Variants in JPH3 observed in about 807,000 individuals in gnomAD.
The protein encoded by JPH3 is junctophilin 3, also known as junctophilin-3.
A neutral mutation model predicts 59.6 loss-of-function variants in JPH3; 11 were observed. The observed-to-expected ratio is 0.18, with a 90% confidence interval of 0.12 to 0.31. The LOEUF is 0.31. Ranked by LOEUF, JPH3 falls within the 10% of genes least tolerant of loss-of-function variation. The pLI is 1.00. For missense variants in JPH3, 1,202 were observed against 1,105.7 expected, an observed-to-expected ratio of 1.09 and a Z score of -1.24; for synonymous variants, 673 against 483.6, an observed-to-expected ratio of 1.39 and a Z score of -5.14.
chr16:87,673,542 G>T (rs1486197561), intron 2 of JPH3, among the ~76,000 whole-genome samples: 2 of 152,188 alleles, frequency 1.3e-5, no homozygotes, highest in Non-Finnish European at 2.9e-5. Context: ...ATACAAGGTT[G>T]TTATTAGACT....
In JPH3 at chr16:87,665,487, G is replaced by A. The variant is rs577202279; in HGVS notation, c.1161-18655G>A. 2.6e-3 allele frequency among the ~76,000 whole-genome samples: 391 copies of A among 152,356 alleles called. 1 individual carries two copies. Among genetic ancestry groups the A allele is most frequent in the Non-Finnish European group, 4.6e-3 (314 of 68,032 alleles). ...GGAGAATCGTGATTCTGGGACCCGA[G>A]CTCTGAGGGAACAACCTCCTCTGAG... On this transcript the variant is annotated intron_variant, in intron 2 of 4. Coordinates refer to ENST00000284262, the MANE Select transcript of JPH3 (RefSeq NM_020655.4).
At position 87,690,667 on chromosome 16, in the gene JPH3, G is replaced by C. The variant is rs2033545864; in HGVS notation, c.2166+141G>C. ...TGGAGTAGGGTGGGGGTACAGCCGG[G>C]AGTGGTGGCCCTCAGGTCGCTGGGA... is the stretch of plus-strand genomic sequence containing the variant. On this transcript the variant is annotated intron_variant, in intron 4 of 4. Coordinates refer to ENST00000284262, the MANE Select transcript of JPH3 (RefSeq NM_020655.4). 4 of 926,352 alleles carry C rather than the reference G, an allele frequency of 4.3e-6. No homozygotes were observed. The South Asian group carries it at 1.1e-4, about 25-fold the overall frequency. 57.4% of individuals were successfully genotyped at this position (926,352 alleles called of 1,614,324 possible).
chr16:87,604,243 C>G, intron 1 of JPH3: 1 of 1,450,218 alleles, frequency 6.9e-7, no homozygotes, highest in Non-Finnish European at 9.1e-7. Context: ...TTCTAAGATG[C>G]CACCGCATTC....
chr16:87,668,792 C>T (rs1025293801), intron 2 of JPH3, among the ~76,000 whole-genome samples: 3 of 152,162 alleles, frequency 2.0e-5, no homozygotes, highest in Non-Finnish European at 2.9e-5. Flanking sequence ...CCAGACACTG[C>T]CTCCTCCACT....
chr16:87,658,120 G>C (rs546198609), intron 2 of JPH3, among the ~76,000 whole-genome samples: 1 of 152,308 alleles, frequency 6.6e-6, no homozygotes, highest in East Asian at 1.9e-4. Context: ...GACACCACCT[G>C]TGTGTTAATG....
chr16:87,622,984 G>A (rs924942724), intron 1 of JPH3, among the ~76,000 whole-genome samples: 2 of 152,144 alleles, frequency 1.3e-5, no homozygotes, highest in African/African-American at 4.8e-5. Context: ...CCCACAGGGG[G>A]GTAAGTTCAG....
chr16:87,667,808 GTTTGT>G lies in JPH3; in HGVS notation c.1161-16310_1161-16306del, dbSNP rs760804774. On this transcript the variant is annotated intron_variant, in intron 2 of 4. Transcript: ENST00000284262. ...CACATACTCTTCTCTGTCTGTTTTT[GTTTGT>G]TTTGTTTTGTTTTGTTTTGTTTTTG... Among the ~76,000 whole-genome samples the G allele has an allele frequency of 4.7e-3, 722 of 152,198 alleles. 2 individuals carry two copies. Among genetic ancestry groups the G allele is most frequent in the Non-Finnish European group, 8.0e-3 (547 of 68,004 alleles).
chr16:87,689,039 C>T (rs1380782696), intron 3 of JPH3, among the ~76,000 whole-genome samples: 2 of 152,174 alleles, frequency 1.3e-5, no homozygotes, highest in African/African-American at 2.4e-5. Flanking sequence ...CAGAGCTGGC[C>T]CCTGGGTCCT....
chr16:87,696,609 G>C lies in JPH3; in HGVS notation c.2196G>C (p.Val732=). ...CAGCGCCTATCCTGGTGGTCATGGT[G>C]ATCTTGCTCAACATCGGAGTCGCCA... ...TGSAPILVVM[V]ILLNIGVAIL... Residue 732 remains valine (V), a synonymous_variant, in exon 5 of 5, where the codon GTG becomes GTC. Coordinates refer to ENST00000284262, the MANE Select transcript of JPH3 (RefSeq NM_020655.4). The C allele has an allele frequency of 6.2e-7, 1 of 1,613,632 alleles. No individual in the cohort carries two copies. Among genetic ancestry groups the C allele is most frequent in the Non-Finnish European group, 8.5e-7 (1 of 1,179,942 alleles).
intron 1 of JPH3, among the ~76,000 whole-genome samples, chr16:87,634,140 G>C (rs886568291): frequency 6.6e-6 from 1 of 152,216 alleles, no homozygotes; most frequent in African/African-American, 2.4e-5. Context: ...CACCCGTGGA[G>C]AAAGCCCTGG....
chr16:87,645,972 C>T (rs1244184094), intron 2 of JPH3, among the ~76,000 whole-genome samples: 2 of 152,252 alleles, frequency 1.3e-5, no homozygotes, highest in African/African-American at 4.8e-5. Flanking sequence ...TTGCTTTCCA[C>T]CGGCATTTGC....
At position 87,633,288 on chromosome 16, in the gene JPH3, C is replaced by T. The variant is rs532830544; in HGVS notation, c.383-10970C>T. On this transcript the variant is annotated intron_variant, in intron 1 of 4. Transcript: ENST00000284262. Reference sequence around the variant, plus strand: ...ACCAGGCCTATTGGATGAGGACCCCCAGTGCCTTCATTTTTAACTCAGCCA... The same window carrying T: ...ACCAGGCCTATTGGATGAGGACCCCTAGTGCCTTCATTTTTAACTCAGCCA... Among the ~76,000 whole-genome samples, 7 of 151,318 alleles carry T rather than the reference C, an allele frequency of 4.6e-5. No individual in the cohort carries two copies. In the East Asian group the frequency reaches 1.2e-3, roughly 25 times the overall value.
chr16:87,686,968 G>A (rs368804841), intron 3 of JPH3, among the ~76,000 whole-genome samples: 12 of 152,292 alleles, frequency 7.9e-5, no homozygotes, highest in East Asian at 3.9e-4. Flanking sequence ...TGAGCACCTC[G>A]GTCCGATCTG....
intron 1 of JPH3, among the ~76,000 whole-genome samples, chr16:87,608,025 C>T (rs563184406): frequency 5.3e-5 from 8 of 152,352 alleles, no homozygotes; most frequent in African/African-American, 1.2e-4. Flanking sequence ...CCACGTTGGC[C>T]GTGAGGCCGT....
intron 2 of JPH3, among the ~76,000 whole-genome samples, chr16:87,678,600 T>C (rs2033209260): frequency 6.6e-6 from 1 of 152,022 alleles, no homozygotes; most frequent in Non-Finnish European, 1.5e-5. Context: ...ATACTCACAC[T>C]CTCTGTAGTG....
chr16:87,659,029 C>T lies in JPH3; in HGVS notation c.1160+13994C>T, dbSNP rs558689595. ...GTCACTTAGTCTGGGACAGCTGCGGCGGCCACAGCGAAAGCCATGCAGCCT... is the reference window on the plus strand; with the variant it reads ...GTCACTTAGTCTGGGACAGCTGCGGTGGCCACAGCGAAAGCCATGCAGCCT... On this transcript the variant is annotated intron_variant, in intron 2 of 4. Coordinates refer to ENST00000284262, the MANE Select transcript of JPH3 (RefSeq NM_020655.4). 9.8e-3 allele frequency among the ~76,000 whole-genome samples: 1,495 copies of T among 152,282 alleles called. 13 individuals are homozygous for T. The highest frequency in any genetic ancestry group is 0.014 in the African/African-American group (582 of 41,550).
chr16:87,647,937 C>T (rs1407110454), intron 2 of JPH3, among the ~76,000 whole-genome samples: 1 of 152,234 alleles, frequency 6.6e-6, no homozygotes, highest in African/African-American at 2.4e-5. Flanking sequence ...TGGCTGAGTG[C>T]CCCAGGCCGG....
At chr16:87,642,527 A>C (rs912808810) in intron 1 of JPH3, among the ~76,000 whole-genome samples, 36 of 152,374 alleles carry the variant, frequency 2.4e-4, no homozygotes, top group African/African-American at 8.7e-4. Context: ...AATAAAACCT[A>C]CGTATCAGTA....
intron 1 of JPH3, among the ~76,000 whole-genome samples, chr16:87,629,731 G>A (rs540250718): frequency 6.6e-6 from 1 of 152,308 alleles, no homozygotes; most frequent in East Asian, 1.9e-4. Flanking sequence ...TTGTAGGGCA[G>A]TCATACTACT....
Sources: gnomAD v4.1 joint callset for allele counts (sites outside exome capture counted in the v4.1 genomes callset) on GRCh38, gnomAD v4.1.1 for gene constraint, MANE v1.5 for transcripts, NCBI Gene and HGNC (gene_info 2026-07-23, HGNC 2026-07-21) for gene names.